Variants in SYT1 observed in about 807,000 individuals in gnomAD.
SYT1 encodes synaptotagmin-1.
SYT1 carries 8 observed loss-of-function variants against 44.8 expected under a neutral mutation model. The ratio of observed to expected loss-of-function variants is 0.18; its 90% CI spans 0.10 to 0.32. The LOEUF (loss-of-function observed/expected upper bound fraction) is 0.32, where lower values mean the gene tolerates loss of function less well. Ranked by LOEUF, SYT1 falls within the 10% of genes least tolerant of loss-of-function variation. The probability of loss-of-function intolerance (pLI) is 1.00; values close to 1 mark genes in which losing one functional copy is unlikely to be tolerated. For synonymous variants in SYT1, 154 were observed against 188.8 expected, an observed-to-expected ratio of 0.82 and a Z score of 1.51; for missense variants, 286 against 509.3, an observed-to-expected ratio of 0.56 and a Z score of 4.22.
intron 1 of SYT1, chr12:78,976,497 C>G (rs879733549): frequency 2.2e-4 from 33 of 152,286 alleles, no homozygotes; most frequent in Non-Finnish European, 5.9e-5. Context: ...TTCCAATCCA[C>G]TGGTTGGCGA....
At chr12:79,357,241 A>G (rs1883148460) in intron 9 of SYT1, among the ~76,000 whole-genome samples, 1 of 152,208 alleles carries the variant, frequency 6.6e-6, no homozygotes, top group Non-Finnish European at 1.5e-5. Context: ...TTACAGTGAC[A>G]AGCCTAATTG....
At chr12:79,021,326 G>A (rs376105656) in intron 2 of SYT1, among the ~76,000 whole-genome samples, 5 of 151,758 alleles carry the variant, frequency 3.3e-5, no homozygotes, top group African/African-American at 9.7e-5. Flanking sequence ...TAGTAAAATA[G>A]GAACCATTTC....
In SYT1 at chr12:79,227,808, T is replaced by C. The variant is rs919867490; in HGVS notation, c.166+10123T>C. 8.5e-5 allele frequency among the ~76,000 whole-genome samples: 13 copies of C among 152,288 alleles called. No homozygotes were observed. In the South Asian group the frequency reaches 2.7e-3, roughly 32 times the overall value. On this transcript the variant is annotated intron_variant, in intron 4 of 10. Transcript: ENST00000261205. ...CGTTAGCAGAGTGTCTGGCACTGAA[T>C]AAGCGCTCTATAAATGGTAGCTATT...
intron 3 of SYT1, among the ~76,000 whole-genome samples, chr12:79,151,190 G>GT (rs1356455856): frequency 3.3e-5 from 5 of 152,298 alleles, no homozygotes; most frequent in Admixed American, 2.0e-4. Context: ...TGTCAGAGGT[G>GT]TCAAGGGTTG....
intron 8 of SYT1, among the ~76,000 whole-genome samples, chr12:79,325,800 G>A (rs1313924313): frequency 6.6e-6 from 1 of 152,166 alleles, no homozygotes; most frequent in East Asian, 1.9e-4. Flanking sequence ...GCATAAGATA[G>A]AGAATATAAA....
chr12:79,288,426 A>T (rs1345810297), intron 5 of SYT1, among the ~76,000 whole-genome samples: 1 of 152,166 alleles, frequency 6.6e-6, no homozygotes, highest in African/African-American at 2.4e-5. Flanking sequence ...ATCTTAAGAA[A>T]TATCTATATA....
chr12:79,272,639 T>C (rs185817571), intron 4 of SYT1, among the ~76,000 whole-genome samples: 15 of 152,080 alleles, frequency 9.9e-5, no homozygotes, highest in Admixed American at 5.9e-4. Flanking sequence ...GAGTATAGAA[T>C]AGGGAGTAGA....
intron 9 of SYT1, among the ~76,000 whole-genome samples, chr12:79,365,180 C>CAT (rs753149566): frequency 1.1e-4 from 17 of 152,024 alleles, no homozygotes; most frequent in South Asian, 2.1e-4. Context: ...CAATTCTATA[C>CAT]ATATATATAC....
chr12:79,339,060 G>T, intron 8 of SYT1, among the ~76,000 whole-genome samples: 1 of 152,112 alleles, frequency 6.6e-6, no homozygotes, highest in South Asian at 2.1e-4. Context: ...TCTTAATCCA[G>T]TCTATCATTG....
At chr12:78,996,793 T>C (rs1184611397) in intron 2 of SYT1, among the ~76,000 whole-genome samples, 1 of 151,936 alleles carries the variant, frequency 6.6e-6, no homozygotes, top group Non-Finnish European at 1.5e-5. Context: ...AGAACACAAG[T>C]AAACTAACAA....
chr12:78,878,519 G>T (rs540617335), intron 1 of SYT1, among the ~76,000 whole-genome samples: 11 of 151,840 alleles, frequency 7.2e-5, no homozygotes, highest in African/African-American at 2.7e-4. Context: ...TCTCATAGTG[G>T]TGAATAAGTT....
chr12:79,005,066 T>C (rs182878491), intron 2 of SYT1, among the ~76,000 whole-genome samples: 1 of 152,042 alleles, frequency 6.6e-6, no homozygotes, highest in Admixed American at 6.6e-5. Context: ...CAGTAAAACT[T>C]TCCTTTAGCA....
chr12:79,159,170 A>G (rs1474400942), intron 3 of SYT1, among the ~76,000 whole-genome samples: 1 of 152,208 alleles, frequency 6.6e-6, no homozygotes, highest in Non-Finnish European at 1.5e-5. Flanking sequence ...AAGCAAGGAA[A>G]GAGAGGTGAA....
chr12:78,870,291 C>T (rs767409938), intron 1 of SYT1, among the ~76,000 whole-genome samples: 1 of 151,982 alleles, frequency 6.6e-6, no homozygotes, highest in Non-Finnish European at 1.5e-5. Flanking sequence ...TTGAAATATC[C>T]ACTTAATTAA....
At chr12:79,008,393 G>A (rs1208248615) in intron 2 of SYT1, among the ~76,000 whole-genome samples, 1 of 152,074 alleles carries the variant, frequency 6.6e-6, no homozygotes, top group African/African-American at 2.4e-5. Flanking sequence ...CATGACAAGT[G>A]GTCGGACTTA....
chr12:79,273,754 G>A (rs768707502), intron 4 of SYT1, among the ~76,000 whole-genome samples: 1 of 152,182 alleles, frequency 6.6e-6, no homozygotes, highest in Admixed American at 6.5e-5. Flanking sequence ...CCAAAAGTTG[G>A]CAAGTTAAAC....
chr12:79,082,461 T>A (rs958571125), intron 3 of SYT1, among the ~76,000 whole-genome samples: 1 of 152,206 alleles, frequency 6.6e-6, no homozygotes, highest in Non-Finnish European at 1.5e-5. Flanking sequence ...ATGTTAGCTC[T>A]GAACAGACAT....
At chr12:79,346,706 G>A (rs78883149) in intron 8 of SYT1, among the ~76,000 whole-genome samples, 12,629 of 152,072 alleles carry the variant, frequency 0.083, 1,137 homozygotes, top group African/African-American at 0.23. Context: ...AACAAAATTC[G>A]TTACTTGACT....
intron 2 of SYT1, among the ~76,000 whole-genome samples, chr12:79,022,122 C>A (rs1872235795): frequency 2.0e-5 from 3 of 151,652 alleles, no homozygotes; most frequent in Non-Finnish European, 4.4e-5. Context: ...AGGAAACTTA[C>A]TTTCACTGAA....
Sources: allele counts gnomAD v4.1 joint callset (sites outside exome capture counted in the v4.1 genomes callset), GRCh38; gene constraint gnomAD v4.1.1; transcripts MANE v1.5; gene names NCBI Gene and HGNC (gene_info 2026-07-23, HGNC 2026-07-21).